Variants in AOPEP observed in about 807,000 individuals in gnomAD.
AOPEP encodes aminopeptidase O (putative).
Under a neutral mutation model 98.1 loss-of-function variants are expected in AOPEP, and 77 were observed. The observed-to-expected ratio is 0.78, with a 90% CI of 0.65 to 0.95. AOPEP has a LOEUF of 0.95. Ranked by LOEUF, AOPEP falls within the 40% of genes least tolerant of loss-of-function variation. The pLI, the probability that AOPEP is intolerant of heterozygous loss-of-function variation, is 0.00. For missense variants in AOPEP, 1,024 were observed against 1,024.7 expected, an observed-to-expected ratio of 1.00 and a Z score of 0.01; for synonymous variants, 346 against 365.3, an observed-to-expected ratio of 0.95 and a Z score of 0.60.
chr9:94,782,327 G>A (rs1172830370), intron 3 of AOPEP, among the ~76,000 whole-genome samples: 1 of 152,212 alleles, frequency 6.6e-6, no homozygotes, highest in Non-Finnish European at 1.5e-5. Context: ...CAAGTGAAAG[G>A]TGTTAAAAAC....
chr9:95,074,423 TAGG>T (rs2068829366), intron 14 of AOPEP, among the ~76,000 whole-genome samples: 1 of 152,162 alleles, frequency 6.6e-6, no homozygotes, highest in African/African-American at 2.4e-5. Flanking sequence ...GGAGCACTCT[TAGG>T]AGAAGCTGAA....
intron 5 of AOPEP, among the ~76,000 whole-genome samples, chr9:94,841,326 G>A (rs1019606580): frequency 4.6e-5 from 7 of 151,860 alleles, no homozygotes; most frequent in Non-Finnish European, 7.4e-5. Context: ...CGTGTGCCAC[G>A]ATGCTTGGCT....
intron 11 of AOPEP, among the ~76,000 whole-genome samples, chr9:95,002,896 G>A (rs1222666313): frequency 1.3e-5 from 2 of 152,302 alleles, no homozygotes; most frequent in Admixed American, 1.3e-4. Context: ...GGGGGACAAA[G>A]GACAAACGAG....
intron 16 of AOPEP, among the ~76,000 whole-genome samples, chr9:95,084,026 C>A (rs1043505398): frequency 6.6e-6 from 1 of 152,114 alleles, no homozygotes. Context: ...TTTTTTTTCT[C>A]TAACAATCAT....
intron 13 of AOPEP, among the ~76,000 whole-genome samples, chr9:95,033,147 A>T (rs753632555): frequency 6.6e-6 from 1 of 152,166 alleles, no homozygotes; most frequent in Non-Finnish European, 1.5e-5. Context: ...ACGGTTCCTT[A>T]CCACTAGTCC....
chr9:95,025,183 A>G (rs2063747519), intron 13 of AOPEP, among the ~76,000 whole-genome samples: 1 of 152,194 alleles, frequency 6.6e-6, no homozygotes, highest in Non-Finnish European at 1.5e-5. Context: ...TGCATGTGTC[A>G]TGGTCTTATG....
intron 11 of AOPEP, among the ~76,000 whole-genome samples, chr9:94,988,427 C>T (rs1439232448): frequency 6.6e-6 from 1 of 152,106 alleles, no homozygotes; most frequent in Non-Finnish European, 1.5e-5. Flanking sequence ...GGATAAAGGG[C>T]ATTTGAGACA....
intron 13 of AOPEP, among the ~76,000 whole-genome samples, chr9:95,035,221 T>G (rs571231877): frequency 3.4e-4 from 52 of 152,064 alleles, no homozygotes; most frequent in Admixed American, 9.8e-4. Context: ...CATGCGGTGT[T>G]TGGTTGAAAG....
At chr9:94,829,468 C>A (rs970061539) in intron 5 of AOPEP, among the ~76,000 whole-genome samples, 2 of 152,152 alleles carry the variant, frequency 1.3e-5, no homozygotes, top group African/African-American at 4.8e-5. Flanking sequence ...TGATGGGAAA[C>A]ATGATATATC....
intron 13 of AOPEP, among the ~76,000 whole-genome samples, chr9:95,014,629 G>T (rs1411692632): frequency 1.3e-5 from 2 of 152,198 alleles, no homozygotes; most frequent in Non-Finnish European, 2.9e-5. Flanking sequence ...GTGGTAAGCA[G>T]GATCTCTGCA....
At chr9:94,856,509 T>C (rs2044230101) in intron 5 of AOPEP, among the ~76,000 whole-genome samples, 1 of 151,764 alleles carries the variant, frequency 6.6e-6, no homozygotes. Context: ...GGCATGGTGG[T>C]GCATGCCTGT....
chr9:95,096,085 A>C, the AOPEP span, among the ~76,000 whole-genome samples: 1 of 152,122 alleles, frequency 6.6e-6, no homozygotes, highest in African/African-American at 2.4e-5. Flanking sequence ...GCTTCTCAGA[A>C]CACACAGATC....
chr9:94,798,278 C>G (rs1267698379), intron 4 of AOPEP, among the ~76,000 whole-genome samples: 2 of 152,134 alleles, frequency 1.3e-5, no homozygotes, highest in African/African-American at 4.8e-5. Flanking sequence ...GCATTTTTTC[C>G]CAGGCTTTGA....
chr9:95,026,985 G>A (rs1487464312), intron 13 of AOPEP, among the ~76,000 whole-genome samples: 1 of 152,204 alleles, frequency 6.6e-6, no homozygotes, highest in Non-Finnish European at 1.5e-5. Context: ...CTGTAGGGTG[G>A]GAGTGGTGGC....
chr9:95,081,184 C>T (rs1164918398), intron 15 of AOPEP, among the ~76,000 whole-genome samples: 1 of 152,220 alleles, frequency 6.6e-6, no homozygotes, highest in South Asian at 2.1e-4. Flanking sequence ...TCTGTACCTG[C>T]ACCTGCCGTG....
At chr9:94,903,904 A>AAAG (rs1161739336) in intron 5 of AOPEP, among the ~76,000 whole-genome samples, 1 of 150,942 alleles carries the variant, frequency 6.6e-6, no homozygotes, top group Non-Finnish European at 1.5e-5. Flanking sequence ...AAAAAAAAAA[A>AAAG]AAAAAAAAGT....
At chr9:94,841,502 C>T (rs993472637) in intron 5 of AOPEP, among the ~76,000 whole-genome samples, 44 of 152,116 alleles carry the variant, frequency 2.9e-4, no homozygotes, top group African/African-American at 9.6e-4. Context: ...CATTATGTTC[C>T]GTTTTTATTC....
intron 13 of AOPEP, among the ~76,000 whole-genome samples, chr9:95,007,389 G>T (rs146633539): frequency 1.6e-4 from 1 of 6,362 alleles, no homozygotes; most frequent in African/African-American, 2.3e-4. Context: ...GGGAGAAAGT[G>T]GGGGGGGGAC....
intron 7 of AOPEP, among the ~76,000 whole-genome samples, chr9:94,936,340 A>G (rs1156722720): frequency 3.3e-5 from 5 of 152,012 alleles, no homozygotes; most frequent in Non-Finnish European, 7.4e-5. Flanking sequence ...CTCTCCCTCC[A>G]GGTAGCTCAG....
Sources: gnomAD v4.1 joint callset for allele counts (sites outside exome capture counted in the v4.1 genomes callset) on GRCh38, gnomAD v4.1.1 for gene constraint, MANE v1.5 for transcripts, NCBI Gene and HGNC (gene_info 2026-07-23, HGNC 2026-07-21) for gene names.